GPR75: variants seen among roughly 807,000 people sequenced by gnomAD.
GPR75 encodes G protein-coupled receptor 75, also known as probable G protein-coupled receptor 75.
Under a neutral mutation model 26.0 loss-of-function variants are expected in GPR75, and 27 were observed. The observed-to-expected ratio is 1.04, with a 90% CI of 0.77 to 1.43. GPR75 has a LOEUF of 1.43. Among genes scored for constraint, GPR75 ranks in the 40% most tolerant of loss-of-function variants. GPR75 has a pLI of 0.00. For missense variants in GPR75, 699 were observed against 662.3 expected (o/e 1.06, Z -0.61); for synonymous variants, 285 against 256.3 (o/e 1.11, Z -1.07).
rs1429380064 is a variant in GPR75, at chr2:53,854,052, G to A, written c.705C>T (p.Val235=). 1 of 1,614,204 alleles carries A rather than the reference G, an allele frequency of 6.2e-7. No individual in the cohort carries two copies. The highest frequency in any genetic ancestry group is 1.1e-5 in the South Asian group (1 of 91,090). The change falls in exon 2 of 2, where the codon GTC becomes GTT. Residue 235 remains valine (V), a synonymous_variant. Coordinates refer to ENST00000394705, the MANE Select transcript of GPR75 (RefSeq NM_006794.4). ...IAQTLRKNAQ[V]RKCPPVITVD... Reference sequence around the variant, plus strand: ...CTGTGATTACAGGGGGGCACTTTCTGACTTGAGCGTTCTTCCGCAGGGTCT... The same window carrying A: ...CTGTGATTACAGGGGGGCACTTTCTAACTTGAGCGTTCTTCCGCAGGGTCT...
intron 1 of GPR75, among the ~76,000 whole-genome samples, chr2:53,856,830 C>T (rs1203125504): frequency 1.3e-5 from 2 of 151,326 alleles, no homozygotes; most frequent in Non-Finnish European, 2.9e-5. Context: ...AAATCCTGAA[C>T]TTTTGTTTCT....
At position 53,859,892 on chromosome 2, in the gene GPR75, G is replaced by T. The variant is rs547714426; in HGVS notation, c.-174C>A. The T allele has an allele frequency of 3.9e-5, 60 of 1,531,904 alleles. No individual in the cohort carries two copies. In the African/African-American group the frequency reaches 7.5e-4, roughly 19 times the overall value. The allele number at this position is 1,531,904 out of a possible 1,614,324, so 94.9% of individuals were successfully genotyped here. A position where few individuals can be genotyped will look rare whatever the true frequency, so the allele number is the denominator to read the frequency against. ...AGTCCGGACCCCAGCTCCGCCTGCC[G>T]CTCTGGATGATGCAGGACTAGAGGC... On this transcript the variant is annotated 5_prime_UTR_variant, in exon 1 of 2. Coordinates refer to ENST00000394705, the MANE Select transcript of GPR75 (RefSeq NM_006794.4).
At position 53,853,586 on chromosome 2, in the gene GPR75, G is replaced by C. The variant is rs778582400; in HGVS notation, c.1171C>G (p.Leu391Val). Residue 391 changes from leucine (L) to valine (V), a missense_variant, in exon 2 of 2, where the codon CTC (leucine) becomes GTC (valine). Transcript: ENST00000394705. ...AGLRRKVLWCLQYIGLGFFCC... is the reference protein window; with the variant it reads ...AGLRRKVLWCVQYIGLGFFCC... ...AAAAAACCCAGGCCTATGTATTGGA[G>C]GCACCAGAGCACTTTCCTTCTCAGC... The C allele has an allele frequency of 1.2e-6, 2 of 1,613,852 alleles. No individual in the cohort carries two copies. Among genetic ancestry groups the C allele is most frequent in the African/African-American group, 1.3e-5 (1 of 74,910 alleles).
chr2:53,855,230 A>G (rs2104394161), intron 1 of GPR75, among the ~76,000 whole-genome samples: 1 of 152,282 alleles, frequency 6.6e-6, no homozygotes, highest in African/African-American at 2.4e-5. Context: ...AGATACAAAT[A>G]CATTCATCCA....
rs376417598 is a variant in GPR75, at chr2:53,853,923, G to T, written c.834C>A (p.Asn278Lys). ...MPALYRNQNYNKLQHVQTRGY... is the reference protein window; with the variant it reads ...MPALYRNQNYKKLQHVQTRGY... ...CACGGGTCTGAACGTGCTGCAGTTT[G>T]TTGTAATTCTGGTTCCTATACAGAG... Residue 278 changes from asparagine to lysine, a missense_variant, in exon 2 of 2, where the codon AAC (asparagine) becomes AAA (lysine). Asn to Lys is a moderately conservative substitution (Grantham distance 94). Coordinates refer to ENST00000394705, the MANE Select transcript of GPR75 (RefSeq NM_006794.4). The T allele has an allele frequency of 6.2e-7, 1 of 1,614,098 alleles. No individual in the cohort carries two copies. Among genetic ancestry groups the T allele is most frequent in the East Asian group, 2.2e-5 (1 of 44,880 alleles).
rs1292540576 is a variant in GPR75 at position 53,853,994 on chromosome 2, C to A, written c.763G>T (p.Val255Phe). The change falls in exon 2 of 2, where the codon GTC becomes TTC. Residue 255 changes from valine to phenylalanine, a missense_variant. By Grantham distance (50) the Val-to-Phe change is conservative (BLOSUM62 -1). Transcript: ENST00000394705. Reference protein sequence around the residue: ...DASRPQPFMGVPVQGGGDPIQ... With the variant: ...DASRPQPFMGFPVQGGGDPIQ... ...GGATCTCCACCTCCCTGCACAGGGA[C>A]CCCCATGAAAGGCTGTGGTCTGGAA... 2 of 1,614,150 alleles carry A rather than the reference C, an allele frequency of 1.2e-6. No individual in the cohort carries two copies. Among genetic ancestry groups the A allele is most frequent in the Admixed American group, 3.3e-5 (2 of 60,020 alleles).
Position 53,854,142 on chromosome 2 carries a change from A to G in GPR75, c.615T>C (p.Ser205=). ...AGAAGGTGAAGTCGACCACATAGAGAGACAAAATGGCTTTCCCTTTTCCAG... is the reference window on the plus strand; with the variant it reads ...AGAAGGTGAAGTCGACCACATAGAGGGACAAAATGGCTTTCCCTTTTCCAG... ...LIAGKGKAIL[S]LYVVDFTFCV... is the part of the protein sequence containing the mutation. The change falls in exon 2 of 2, where the codon TCT becomes TCC. Residue 205 remains serine, a synonymous_variant. Transcript: ENST00000394705. 1 of 1,614,174 alleles carries G rather than the reference A, an allele frequency of 6.2e-7. No homozygotes were observed. The highest frequency in any genetic ancestry group is 8.5e-7 in the Non-Finnish European group (1 of 1,180,032).
chr2:53,852,950 A>G lies in GPR75; in HGVS notation c.*184T>C. 1.8e-6 allele frequency: 1 copy of G among 553,242 alleles called. No individual in the cohort carries two copies. The highest frequency in any genetic ancestry group is 3.2e-6 in the Non-Finnish European group (1 of 315,122). The allele number at this position is 553,242 out of a possible 1,614,324, so 34.3% of individuals were successfully genotyped here. On this transcript the variant is annotated 3_prime_UTR_variant, in exon 2 of 2. Coordinates refer to ENST00000394705, the MANE Select transcript of GPR75 (RefSeq NM_006794.4). ...TCTAAAACTTTCACATCAAATCTTAAGATGTCAACAAACTACAAAGCAAAT... is the reference window on the plus strand; with the variant it reads ...TCTAAAACTTTCACATCAAATCTTAGGATGTCAACAAACTACAAAGCAAAT...
rs375357858 is a variant in GPR75 at position 53,853,578 on chromosome 2, G to A, written c.1179C>T (p.Tyr393=). ...TGCAGCAGAAAAAACCCAGGCCTAT[G>A]TATTGGAGGCACCAGAGCACTTTCC... ...LRRKVLWCLQ[Y]IGLGFFCCKQ... Residue 393 remains tyrosine, a synonymous_variant, in exon 2 of 2, where the codon TAC becomes TAT. Coordinates refer to ENST00000394705, the MANE Select transcript of GPR75 (RefSeq NM_006794.4). 3 of 1,613,930 alleles carry A rather than the reference G, an allele frequency of 1.9e-6. No homozygotes were observed. The highest frequency in any genetic ancestry group is 2.5e-6 in the Non-Finnish European group (3 of 1,179,900).
Position 53,853,391 on chromosome 2 carries a change from C to G in GPR75, c.1366G>C (p.Val456Leu), listed in dbSNP as rs1678140684. 6 of 1,614,152 alleles carry G rather than the reference C, an allele frequency of 3.7e-6. No individual in the cohort carries two copies. Among genetic ancestry groups the G allele is most frequent in the South Asian group, 1.1e-5 (1 of 91,084 alleles). ...TGTCCAGCAGAGATCTTGGGACTCA[C>G]CATACTTTCTTTTGAATGACTTGGG... is the stretch of plus-strand genomic sequence containing the variant. ...CGPSHSKESM[V>L]SPKISAGHQH... Residue 456 changes from valine (V) to leucine (L), a missense_variant, in exon 2 of 2, where the codon GTG becomes CTG. Val to Leu is a conservative substitution (Grantham distance 32). Transcript: ENST00000394705.
rs753588922 is a variant in GPR75, at chr2:53,854,041, G to T, written c.716C>A (p.Pro239His). The T allele has an allele frequency of 1.2e-6, 2 of 1,614,174 alleles. No individual in the cohort carries two copies. Among genetic ancestry groups the T allele is most frequent in the Non-Finnish European group, 1.7e-6 (2 of 1,180,030 alleles). ...GGAAGCATCGACTGTGATTACAGGG[G>T]GGCACTTTCTGACTTGAGCGTTCTT... ...LRKNAQVRKC[P>H]PVITVDASRP... The change falls in exon 2 of 2, where the codon CCC becomes CAC. Residue 239 changes from proline to histidine, a missense_variant. Physicochemically the swap from Pro to His is moderately conservative, Grantham distance 77 (BLOSUM62 -2). Transcript: ENST00000394705.
intron 1 of GPR75, among the ~76,000 whole-genome samples, chr2:53,856,202 T>C (rs1322184935): frequency 6.6e-6 from 1 of 152,212 alleles, no homozygotes; most frequent in African/African-American, 2.4e-5. Flanking sequence ...CCTAACTTTT[T>C]TTTTTCTATT....
chr2:53,856,946 ATTTTTTTTTTT>A (rs10665107), intron 1 of GPR75, among the ~76,000 whole-genome samples: 11 of 78,928 alleles, frequency 1.4e-4, no homozygotes, highest in Admixed American at 6.0e-4. Context: ...GAGAAAGACA[ATTTTTTTTTTT>A]TTTTTTTTTT....
rs1008032050 is a variant in GPR75, at chr2:53,853,506, G to A, written c.1251C>T (p.Val417=). The change falls in exon 2 of 2, where the codon GTC becomes GTT. Residue 417 remains valine, a synonymous_variant. Transcript: ENST00000394705. ...CATGATGGGAGGATTTGTTTCTGTT[G>A]ACTTCGAGGTTCCCTTTTCCCATGG... ...LRAMGKGNLE[V]NRNKSSHHET... 1 of 1,614,112 alleles carries A rather than the reference G, an allele frequency of 6.2e-7. No homozygotes were observed. Among genetic ancestry groups the A allele is most frequent in the Admixed American group, 1.7e-5 (1 of 60,022 alleles).
At position 53,859,880 on chromosome 2, in the gene GPR75, G is replaced by C. The variant is rs752211094; in HGVS notation, c.-162C>G. ...CCTCCATCTCGCAGTCCGGACCCCA[G>C]CTCCGCCTGCCGCTCTGGATGATGC... is the stretch of plus-strand genomic sequence containing the variant. On this transcript the variant is annotated 5_prime_UTR_variant, in exon 1 of 2. Coordinates refer to ENST00000394705, the MANE Select transcript of GPR75 (RefSeq NM_006794.4). The C allele has an allele frequency of 1.6e-4, 241 of 1,530,702 alleles. 3 individuals carry two copies. In the Admixed American group the frequency reaches 3.6e-3, roughly 23 times the overall value. The allele number at this position is 1,530,702 out of a possible 1,614,324, so 94.8% of individuals were successfully genotyped here. A position where few individuals can be genotyped will look rare whatever the true frequency, so the allele number is the denominator to read the frequency against.
chr2:53,853,748 G>C lies in GPR75; in HGVS notation c.1009C>G (p.Leu337Val), dbSNP rs1316896960. ...ACCACCTGTACCAAGGAAATCCCCAGTGGAAGACAGCACACCAGGACTGAC... is the reference window on the plus strand; with the variant it reads ...ACCACCTGTACCAAGGAAATCCCCACTGGAAGACAGCACACCAGGACTGAC... Reference protein sequence around the residue: ...VLSVLVCCLPLGISLVQVVLS... With the variant: ...VLSVLVCCLPVGISLVQVVLS... Residue 337 changes from leucine (L) to valine (V), a missense_variant, in exon 2 of 2, where the codon CTG (leucine) becomes GTG (valine). Coordinates refer to ENST00000394705, the MANE Select transcript of GPR75 (RefSeq NM_006794.4). 1.4e-5 allele frequency: 23 copies of C among 1,614,180 alleles called. No individual in the cohort carries two copies. Among genetic ancestry groups the C allele is most frequent in the East Asian group, 2.2e-5 (1 of 44,892 alleles).
In GPR75 at chr2:53,859,845, C is replaced by G. The variant is rs868526490; in HGVS notation, c.-127G>C. On this transcript the variant is annotated 5_prime_UTR_variant, in exon 1 of 2. Transcript: ENST00000394705. The stretch of plus-strand genomic sequence containing the variant: ...CCTCTCACCTGCCGGGTGGCCGCAG[C>G]GCCGCCCCTCCTCCATCTCGCAGTC... 9 of 1,532,176 alleles carry G rather than the reference C, an allele frequency of 5.9e-6. No homozygotes were observed. Among genetic ancestry groups the G allele is most frequent in the Middle Eastern group, 3.5e-4 (2 of 5,652 alleles). The allele number at this position is 1,532,176 out of a possible 1,614,324, so 94.9% of individuals were successfully genotyped here. A position where few individuals can be genotyped will look rare whatever the true frequency, so the allele number is the denominator to read the frequency against.
rs1290235244 is a variant in GPR75 at position 53,854,419 on chromosome 2, A to G, written c.338T>C (p.Ile113Thr). 6.2e-7 allele frequency: 1 copy of G among 1,614,026 alleles called. No homozygotes were observed. Among genetic ancestry groups the G allele is most frequent in the African/African-American group, 1.3e-5 (1 of 74,934 alleles). ...FVLFFSSASS[I>T]PDAFCFTFHL... ...GAAAGTGAAGCAGAAAGCATCCGGG[A>G]TACTACTGGCTGAGCTGAAGAATAA... Residue 113 changes from isoleucine to threonine, a missense_variant, in exon 2 of 2, where the codon ATC becomes ACC. Physicochemically the swap from Ile to Thr is moderately conservative, Grantham distance 89. Transcript: ENST00000394705.
At chr2:53,859,615 G>A (rs1367417344) in intron 1 of GPR75, among the ~76,000 whole-genome samples, 2 of 149,624 alleles carry the variant, frequency 1.3e-5, no homozygotes, top group Admixed American at 6.7e-5. Context: ...TAGGGGCGGT[G>A]GGTGGGTGGG....
Sources: allele counts gnomAD v4.1 joint callset (sites outside exome capture counted in the v4.1 genomes callset), GRCh38; gene constraint gnomAD v4.1.1; transcripts MANE v1.5; gene names NCBI Gene and HGNC (gene_info 2026-07-23, HGNC 2026-07-21).